STXBP4: variants seen among roughly 807,000 people sequenced by gnomAD.
The protein encoded by STXBP4 is syntaxin binding protein 4, also known as syntaxin-binding protein 4.
A neutral mutation model predicts 76.1 loss-of-function variants in STXBP4; 55 were observed. That is an observed-to-expected ratio of 0.72 (90% CI 0.58 to 0.91). The LOEUF (loss-of-function observed/expected upper bound fraction) is 0.91. Ranked by LOEUF, STXBP4 falls within the 40% of genes least tolerant of loss-of-function variation. The pLI is 0.00. For missense variants in STXBP4, 618 were observed against 636.9 expected (o/e 0.97, Z 0.32); for synonymous variants, 201 against 220.2 (o/e 0.91, Z 0.77).
intron 16 of STXBP4, among the ~76,000 whole-genome samples, chr17:55,135,163 G>C (rs2080014976): frequency 6.6e-6 from 1 of 152,146 alleles, no homozygotes. Context: ...AATAGTGACT[G>C]ACAGATAAAG....
chr17:55,053,838 A>G (rs2078891899), intron 12 of STXBP4, among the ~76,000 whole-genome samples: 1 of 152,150 alleles, frequency 6.6e-6, no homozygotes, highest in Non-Finnish European at 1.5e-5. Context: ...TTTTATATGT[A>G]GGATAAATTA....
At chr17:54,995,534 T>C (rs1720588962) in intron 4 of STXBP4, among the ~76,000 whole-genome samples, 1 of 152,200 alleles carries the variant, frequency 6.6e-6, no homozygotes, top group Non-Finnish European at 1.5e-5. Flanking sequence ...CTTATGAGTG[T>C]GTGTATGTAC....
At chr17:55,195,918 C>T in the STXBP4 span, among the ~76,000 whole-genome samples, 1 of 152,142 alleles carries the variant, frequency 6.6e-6, no homozygotes, top group Non-Finnish European at 1.5e-5. Flanking sequence ...TGCTGCTGAA[C>T]ATTCTATAGC....
chr17:55,207,347 C>T, the STXBP4 span, among the ~76,000 whole-genome samples: 1 of 152,226 alleles, frequency 6.6e-6, no homozygotes, highest in South Asian at 2.1e-4. Context: ...CCATATAACC[C>T]TCCAGTCTCA....
At chr17:55,146,587 G>C (rs2080156749) in intron 17 of STXBP4, among the ~76,000 whole-genome samples, 1 of 152,126 alleles carries the variant, frequency 6.6e-6, no homozygotes, top group African/African-American at 2.4e-5. Flanking sequence ...CATGGTGGCT[G>C]GTGCCTGTAG....
At chr17:54,981,085 A>G (rs768916146) in intron 1 of STXBP4, among the ~76,000 whole-genome samples, 4 of 152,204 alleles carry the variant, frequency 2.6e-5, no homozygotes, top group Non-Finnish European at 5.9e-5. Context: ...GAAGTTCACA[A>G]AAGAAGATTT....
intron 3 of STXBP4, among the ~76,000 whole-genome samples, chr17:54,987,715 G>A (rs1033666156): frequency 1.3e-5 from 2 of 152,060 alleles, no homozygotes; most frequent in Non-Finnish European, 2.9e-5. Flanking sequence ...AGTATCTTTG[G>A]GATAGATTCC....
At chr17:55,091,128 TAAA>T (rs2079408091) in intron 16 of STXBP4, among the ~76,000 whole-genome samples, 1 of 152,086 alleles carries the variant, frequency 6.6e-6, no homozygotes, top group Non-Finnish European at 1.5e-5. Context: ...TTAGGCATTT[TAAA>T]AAATCCCTCC....
chr17:55,046,911 G>A (rs1402025114), intron 11 of STXBP4, among the ~76,000 whole-genome samples, 178 bp from the exon 12 acceptor site: 1 of 151,848 alleles, frequency 6.6e-6, no homozygotes, highest in Non-Finnish European at 1.5e-5. Context: ...ACAATTTACT[G>A]TAAATAACTA....
chr17:55,021,736 A>T (rs2078314905), intron 8 of STXBP4, among the ~76,000 whole-genome samples: 6 of 152,122 alleles, frequency 3.9e-5, no homozygotes, highest in Admixed American at 2.0e-4. Context: ...TCTTTTCTGT[A>T]CTATCAGAAA....
At chr17:55,125,479 C>CAAAAAAAA (rs10632680) in intron 16 of STXBP4, among the ~76,000 whole-genome samples, 1,155 of 91,606 alleles carry the variant, frequency 0.013, 46 homozygotes, top group Non-Finnish European at 0.018. Flanking sequence ...GGACAAAATA[C>CAAAAAAAA]AAAAAAAAAA....
Position 55,047,174 on chromosome 17 carries a change from A to G in STXBP4, c.1011+20A>G, listed in dbSNP as rs765782349. On this transcript the variant is annotated intron_variant, in intron 12 of 17. Coordinates refer to ENST00000376352, the MANE Select transcript of STXBP4 (RefSeq NM_178509.6). ...AAACAAGTAAGTATATGTATTGTGT[A>G]TATATGTGCTCGTGTGTGTGTGTGT... 169 of 1,463,052 alleles carry G rather than the reference A, an allele frequency of 1.2e-4. No individual in the cohort carries two copies. The highest frequency in any genetic ancestry group is 1.5e-4 in the Non-Finnish European group (164 of 1,061,200). The allele number at this position is 1,463,052 out of a possible 1,614,324, so 90.6% of individuals were successfully genotyped here. A position where few individuals can be genotyped will look rare whatever the true frequency, so the allele number is the denominator to read the frequency against.
At chr17:55,155,966 A>G (rs995611451) in intron 17 of STXBP4, among the ~76,000 whole-genome samples, 4 of 152,154 alleles carry the variant, frequency 2.6e-5, no homozygotes, top group Admixed American at 2.6e-4. Flanking sequence ...CCCAAATCGA[A>G]TATTATTGTT....
intron 16 of STXBP4, among the ~76,000 whole-genome samples, chr17:55,114,420 A>C (rs1242780478): frequency 6.6e-6 from 1 of 152,058 alleles, no homozygotes; most frequent in Non-Finnish European, 1.5e-5. Context: ...GATTGGCTGT[A>C]TCACAGTTAT....
At chr17:55,045,398 T>C (rs2078771861) in intron 11 of STXBP4, among the ~76,000 whole-genome samples, 3 of 152,118 alleles carry the variant, frequency 2.0e-5, no homozygotes, top group African/African-American at 7.2e-5. Flanking sequence ...TTTTTATGTA[T>C]TCTTTTATCG....
the STXBP4 span, among the ~76,000 whole-genome samples, chr17:55,190,236 G>A: frequency 8.2e-4 from 125 of 152,266 alleles, no homozygotes; most frequent in African/African-American, 2.9e-3. Flanking sequence ...GCAAGGAACA[G>A]AACAATCCCT....
At chr17:54,973,897 G>A (rs919192046) in intron 1 of STXBP4, among the ~76,000 whole-genome samples, 2 of 152,030 alleles carry the variant, frequency 1.3e-5, no homozygotes, top group African/African-American at 4.8e-5. Flanking sequence ...AACTCTTTCT[G>A]GTTAGCTATA....
chr17:55,097,461 A>G (rs1379605173), intron 16 of STXBP4, among the ~76,000 whole-genome samples: 2 of 152,202 alleles, frequency 1.3e-5, no homozygotes, highest in African/African-American at 4.8e-5. Flanking sequence ...CAGGAGATCG[A>G]GACCATCCTG....
chr17:55,043,317 A>G lies in STXBP4; in HGVS notation c.937A>G (p.Thr313Ala), dbSNP rs757764925. 5 of 1,493,956 alleles carry G rather than the reference A, an allele frequency of 3.3e-6. No homozygotes were observed. Among genetic ancestry groups the G allele is most frequent in the Non-Finnish European group, 3.6e-6 (4 of 1,117,058 alleles). The allele number at this position is 1,493,956 out of a possible 1,614,324, so 92.5% of individuals were successfully genotyped here. A position where few individuals can be genotyped will look rare whatever the true frequency, so the allele number is the denominator to read the frequency against. ...ERDDALKEVN[T>A]LKEKLLESDK... ...AGATGATGCCTTGAAAGAAGTAAAT[A>G]CACTTAAGGTAACCTCTAATTTAGT... The change falls in exon 11 of 18, where the codon ACA becomes GCA. Residue 313 changes from threonine to alanine, a missense_variant. Transcript: ENST00000376352.
Sources: allele counts gnomAD v4.1 joint callset (sites outside exome capture counted in the v4.1 genomes callset), GRCh38; gene constraint gnomAD v4.1.1; transcripts MANE v1.5; gene names NCBI Gene and HGNC (gene_info 2026-07-23, HGNC 2026-07-21).